Variants in GALNTL5 observed in about 807,000 individuals in gnomAD.
GALNTL5 encodes inactive polypeptide N-acetylgalactosaminyltransferase-like protein 5.
A neutral mutation model predicts 51.0 loss-of-function variants in GALNTL5; 44 were observed. The ratio of observed to expected loss-of-function variants is 0.86; its 90% CI spans 0.68 to 1.11. The LOEUF (loss-of-function observed/expected upper bound fraction) is 1.11. Ranked by LOEUF, GALNTL5 falls within the 50% of genes least tolerant of loss-of-function variation. The pLI is 0.00. For missense variants in GALNTL5, 528 were observed against 531.8 expected (o/e 0.99, Z 0.07); for synonymous variants, 192 against 182.8 (o/e 1.05, Z -0.41).
chr7:151,982,111 A>C (rs2081299127), intron 3 of GALNTL5, among the ~76,000 whole-genome samples: 1 of 152,122 alleles, frequency 6.6e-6, no homozygotes, highest in South Asian at 2.1e-4. Flanking sequence ...GCACACACAC[A>C]AAAAAATAAA....
At chr7:152,011,374 T>G (rs1425998914) in intron 7 of GALNTL5, among the ~76,000 whole-genome samples, 1 of 152,244 alleles carries the variant, frequency 6.6e-6, no homozygotes, top group Non-Finnish European at 1.5e-5. Flanking sequence ...AGCTTCAACA[T>G]GGCATTTCAA....
intron 5 of GALNTL5, among the ~76,000 whole-genome samples, chr7:151,996,540 G>C (rs2081502925): frequency 6.6e-6 from 1 of 152,194 alleles, no homozygotes; most frequent in Non-Finnish European, 1.5e-5. Flanking sequence ...AGGAGTTTGA[G>C]ACCAGCCTGG....
intron 5 of GALNTL5, among the ~76,000 whole-genome samples, chr7:151,987,615 G>C (rs1173806821): frequency 2.0e-5 from 3 of 150,136 alleles, no homozygotes; most frequent in East Asian, 2.0e-4. Flanking sequence ...GAGCAAGACT[G>C]GGGGTGGGGT....
intron 1 of GALNTL5, among the ~76,000 whole-genome samples, chr7:151,959,033 G>A (rs1248874610): frequency 1.3e-5 from 2 of 152,148 alleles, no homozygotes; most frequent in South Asian, 2.1e-4. Context: ...TTGGCTACAA[G>A]GCATTGAGGA....
intron 3 of GALNTL5, among the ~76,000 whole-genome samples, chr7:151,981,589 CCCTCCTTCCTTCCTTCCCTCCTTCCT>C (rs2081289880): frequency 2.4e-5 from 1 of 41,070 alleles, no homozygotes; most frequent in South Asian, 9.1e-4. Context: ...TTCCTTCCTT[CCCTCCTTCCTTCCTTCCCTCCTTCCT>C]TCCTTCCTTC....
intron 5 of GALNTL5, among the ~76,000 whole-genome samples, chr7:151,999,541 G>A (rs2081544851): frequency 6.6e-6 from 1 of 152,022 alleles, no homozygotes; most frequent in Non-Finnish European, 1.5e-5. Flanking sequence ...TTAAGTTCTC[G>A]TCATCCTAGT....
chr7:151,973,594 G>A (rs572334781), intron 3 of GALNTL5, among the ~76,000 whole-genome samples: 1 of 152,364 alleles, frequency 6.6e-6, no homozygotes, highest in African/African-American at 2.4e-5. Context: ...CCCAATGCCT[G>A]TACCGCTATT....
At chr7:152,017,838 G>A (rs1411780942) in intron 8 of GALNTL5, among the ~76,000 whole-genome samples, 1 of 151,656 alleles carries the variant, frequency 6.6e-6, no homozygotes, top group Non-Finnish European at 1.5e-5. Flanking sequence ...CCTCAAATGA[G>A]AATTCTTTTT....
intron 3 of GALNTL5, among the ~76,000 whole-genome samples, chr7:151,971,982 T>G (rs1010964878): frequency 6.6e-6 from 1 of 152,200 alleles, no homozygotes. Flanking sequence ...AGAATCTTTA[T>G]AGCAGTGTGA....
chr7:151,985,383 A>C (rs572262397), intron 4 of GALNTL5, among the ~76,000 whole-genome samples: 1 of 152,246 alleles, frequency 6.6e-6, no homozygotes, highest in African/African-American at 2.4e-5. Flanking sequence ...ACCCACACAG[A>C]GCCTTAAACA....
intron 7 of GALNTL5, among the ~76,000 whole-genome samples, chr7:152,012,674 C>T (rs1265806416): frequency 6.6e-6 from 1 of 152,204 alleles, no homozygotes; most frequent in African/African-American, 2.4e-5. Flanking sequence ...TGCCCATCAA[C>T]AGCGGACTGG....
chr7:151,972,044 A>G (rs1002654248), intron 3 of GALNTL5, among the ~76,000 whole-genome samples: 7 of 152,254 alleles, frequency 4.6e-5, no homozygotes, highest in Admixed American at 1.3e-4. Context: ...TGCTATAAAG[A>G]TACCTAAAAA....
At chr7:152,008,277 C>T (rs974029200) in intron 7 of GALNTL5, among the ~76,000 whole-genome samples, 43 of 138,138 alleles carry the variant, frequency 3.1e-4, no homozygotes, top group African/African-American at 9.4e-4. Context: ...GATGTGGTCT[C>T]GCTATGTTGC....
At chr7:151,978,078 C>T (rs2081229842) in intron 3 of GALNTL5, among the ~76,000 whole-genome samples, 1 of 151,926 alleles carries the variant, frequency 6.6e-6, no homozygotes, top group Admixed American at 6.6e-5. Context: ...TTTGGTTTAT[C>T]CTGTTTTTCT....
Position 152,019,701 on chromosome 7 carries a change from G to T in GALNTL5, c.1232G>T (p.Arg411Leu), listed in dbSNP as rs200879913. The T allele has an allele frequency of 1.2e-6, 2 of 1,613,726 alleles. No individual in the cohort carries two copies. The highest frequency in any genetic ancestry group is 2.2e-5 in the South Asian group (2 of 91,048). The change falls in exon 9 of 9, where the codon CGC becomes CTC. Residue 411 changes from arginine (R) to leucine (L), a missense_variant. Transcript: ENST00000392800. Reference protein sequence around the residue: ...GLKYVTYGNIRERVELRKRLG... With the variant: ...GLKYVTYGNILERVELRKRLG... The stretch of plus-strand genomic sequence containing the variant: ...AAATATGTCACCTACGGAAATATTC[G>T]CGAGCGTGTTGAGTTAAGGAAACGA...
chr7:151,963,670 T>C (rs1358052736), intron 1 of GALNTL5, among the ~76,000 whole-genome samples: 2 of 152,220 alleles, frequency 1.3e-5, no homozygotes, highest in South Asian at 2.1e-4. Flanking sequence ...AGTGCTGGGA[T>C]TACAGGCATG....
At chr7:151,998,049 AT>A (rs2081522003) in intron 5 of GALNTL5, among the ~76,000 whole-genome samples, 1 of 152,170 alleles carries the variant, frequency 6.6e-6, no homozygotes, top group African/African-American at 2.4e-5. Flanking sequence ...AAAAATTTTT[AT>A]TAAAAAAAGT....
chr7:151,996,110 G>A (rs1310957210), intron 5 of GALNTL5, among the ~76,000 whole-genome samples: 1 of 152,128 alleles, frequency 6.6e-6, no homozygotes, highest in Non-Finnish European at 1.5e-5. Flanking sequence ...AAATAGAAAT[G>A]CTTATGTATT....
chr7:151,990,869 A>G (rs186070821), intron 5 of GALNTL5, among the ~76,000 whole-genome samples: 1 of 152,244 alleles, frequency 6.6e-6, no homozygotes, highest in East Asian at 1.9e-4. Flanking sequence ...GCTTCCCTCA[A>G]TCAGGAGCAC....
Sources: gnomAD v4.1 joint callset for allele counts (sites outside exome capture counted in the v4.1 genomes callset) on GRCh38, gnomAD v4.1.1 for gene constraint, MANE v1.5 for transcripts, NCBI Gene and HGNC (gene_info 2026-07-23, HGNC 2026-07-21) for gene names.